The following GSDME variants were observed in gnomAD, a reference collection of about 807,000 sequenced individuals.
GSDME encodes the protein gasdermin E, also known as gasdermin-E.
GSDME carries 44 observed loss-of-function variants against 47.5 expected under a neutral mutation model. The ratio of observed to expected loss-of-function variants is 0.93; its 90% confidence interval spans 0.73 to 1.19. GSDME has a LOEUF of 1.19. Among genes scored for constraint, GSDME ranks in the 50% most tolerant of loss-of-function variants. The pLI is 0.00. For missense variants in GSDME, 663 were observed against 604.2 expected (o/e 1.10, Z -1.02); for synonymous variants, 258 against 252.8 (o/e 1.02, Z -0.20).
At chr7:24,706,508 C>T (rs1163890403) in intron 7 of GSDME, 132 bp from the exon 8 acceptor site, 5 of 833,838 alleles carry the variant, frequency 6.0e-6, no homozygotes, top group Non-Finnish European at 9.3e-6. Context: ...CGCAGCTCTT[C>T]TCTACGTTCT....
In GSDME at chr7:24,732,039, G is replaced by A. The variant is rs80006149; in HGVS notation, c.404+12523C>T. On this transcript the variant is annotated intron_variant, in intron 3 of 9. Transcript: ENST00000645220. The surrounding 1 kb of genome is among the most constrained non-coding windows in gnomAD (Gnocchi z 4.8). The stretch of plus-strand genomic sequence containing the variant: ...CCCATCCCAGACCTTGGGATGCCCC[G>A]GTTTATTGTGACCAGTTACACCTGC... Among the ~76,000 whole-genome samples the A allele has an allele frequency of 3.3e-3, 503 of 152,224 alleles. 10 individuals carry two copies. The highest frequency in any genetic ancestry group is 0.032 in the East Asian group (167 of 5,176).
At chr7:24,710,421 A>ATAC in intron 5 of GSDME, 33 bp from the exon 6 acceptor site, 1 of 1,613,058 alleles carries the variant, frequency 6.2e-7, no homozygotes, top group Non-Finnish European at 8.5e-7. Flanking sequence ...AAGTTAGGTA[A>ATAC]AGTTGAGTCT....
chr7:24,746,651 C>G (rs772217556), intron 2 of GSDME, among the ~76,000 whole-genome samples: 7 of 152,218 alleles, frequency 4.6e-5, no homozygotes, highest in Non-Finnish European at 8.8e-5. Context: ...GTCCCCAAGA[C>G]TTGATCCACA....
chr7:24,762,386 T>C (rs994538188), upstream of GSDME, among the ~76,000 whole-genome samples: 1 of 152,172 alleles, frequency 6.6e-6, no homozygotes, highest in Non-Finnish European at 1.5e-5. Context: ...TGAATACCAG[T>C]AGTCAGCCAC....
At chr7:24,750,007 A>G (rs1388460225) in intron 1 of GSDME, among the ~76,000 whole-genome samples, 1 of 152,218 alleles carries the variant, frequency 6.6e-6, no homozygotes, top group East Asian at 1.9e-4. Flanking sequence ...ATGCTAGGTT[A>G]CGCTTCAGAA....
chr7:24,698,851 G>A lies in GSDME; in HGVS notation c.*175C>T. 2 of 654,038 alleles carry A rather than the reference G, an allele frequency of 3.1e-6. No homozygotes were observed. Among genetic ancestry groups the A allele is most frequent in the Non-Finnish European group, 5.5e-6 (2 of 361,524 alleles). The allele number at this position is 654,038 out of a possible 1,614,324, so 40.5% of individuals were successfully genotyped here. Reference sequence around the variant, plus strand: ...AGGAGGGCCTCTGATAAGGAAAACTGTTTAAAGAGTACCTGGTGGCTAAAA... The same window carrying A: ...AGGAGGGCCTCTGATAAGGAAAACTATTTAAAGAGTACCTGGTGGCTAAAA... On this transcript the variant is annotated 3_prime_UTR_variant, in exon 10 of 10. Coordinates refer to ENST00000645220, the MANE Select transcript of GSDME (RefSeq NM_001127453.2).
Position 24,736,008 on chromosome 7 carries a change from C to A in GSDME, c.404+8554G>T, listed in dbSNP as rs1320799935. On this transcript the variant is annotated intron_variant, in intron 3 of 9. Transcript: ENST00000645220. This position sits in a 1 kb window ranked among gnomAD's most constrained non-coding sequence, Gnocchi z 4.6. ...ATGGTATTTGCAAGCCTCATGGTAA[C>A]CTCAAATAAAAAACTTACAACAGAT... Among the ~76,000 whole-genome samples the A allele has an allele frequency of 6.6e-6, 1 of 151,636 alleles. No homozygotes were observed. The highest frequency in any genetic ancestry group is 1.5e-5 in the Non-Finnish European group (1 of 67,916).
Position 24,736,021 on chromosome 7 carries a change from A to G in GSDME, c.404+8541T>C, listed in dbSNP as rs141844082. On this transcript the variant is annotated intron_variant, in intron 3 of 9. Transcript: ENST00000645220. This position sits in a 1 kb window ranked among gnomAD's most constrained non-coding sequence, Gnocchi z 4.6. Reference sequence around the variant, plus strand: ...GCCTCATGGTAACCTCAAATAAAAAACTTACAACAGATACACAAAAAATAG... The same window carrying G: ...GCCTCATGGTAACCTCAAATAAAAAGCTTACAACAGATACACAAAAAATAG... 6.6e-6 allele frequency among the ~76,000 whole-genome samples: 1 copy of G among 152,074 alleles called. No individual in the cohort carries two copies. Among genetic ancestry groups the G allele is most frequent in the East Asian group, 1.9e-4 (1 of 5,198 alleles).
chr7:24,734,663 C>T (rs1486119755), intron 3 of GSDME, among the ~76,000 whole-genome samples: 1 of 152,244 alleles, frequency 6.6e-6, no homozygotes, highest in Non-Finnish European at 1.5e-5. Flanking sequence ...CTGGAGAACA[C>T]ATCAGAGTCT....
At position 24,745,414 on chromosome 7, in the gene GSDME, C is replaced by T. The variant is rs1790638709; in HGVS notation, c.212-660G>A. On this transcript the variant is annotated intron_variant, in intron 2 of 9. Coordinates refer to ENST00000645220, the MANE Select transcript of GSDME (RefSeq NM_001127453.2). This position sits in a 1 kb window ranked among gnomAD's most constrained non-coding sequence, Gnocchi z 4.4. Reference sequence around the variant, plus strand: ...ATCTCCAGTCAAATTATTCCCTTCCCATATTTATGATTCTCTCTCTGACCT... The same window carrying T: ...ATCTCCAGTCAAATTATTCCCTTCCTATATTTATGATTCTCTCTCTGACCT... Among the ~76,000 whole-genome samples, 1 of 152,142 alleles carries T rather than the reference C, an allele frequency of 6.6e-6. No homozygotes were observed. The highest frequency in any genetic ancestry group is 2.4e-5 in the African/African-American group (1 of 41,416).
chr7:24,794,413 G>A, the GSDME span, among the ~76,000 whole-genome samples: 3 of 152,108 alleles, frequency 2.0e-5, no homozygotes, highest in Non-Finnish European at 1.5e-5. Flanking sequence ...GGCGGGAGTA[G>A]AGCTACTCTT....
intron 2 of GSDME, among the ~76,000 whole-genome samples, chr7:24,747,565 T>C (rs997129425): frequency 2.6e-5 from 4 of 152,236 alleles, no homozygotes; most frequent in South Asian, 2.1e-4. Context: ...AAAGTTTCCA[T>C]CCTCTGCTCC....
chr7:24,715,038 A>C (rs1392073505), intron 5 of GSDME, among the ~76,000 whole-genome samples: 1 of 152,258 alleles, frequency 6.6e-6, no homozygotes, highest in Non-Finnish European at 1.5e-5. Flanking sequence ...ATGAAGAAGA[A>C]GGAAAGTCTC....
intron 3 of GSDME, among the ~76,000 whole-genome samples, chr7:24,723,105 G>T (rs188462931): frequency 6.6e-6 from 1 of 152,312 alleles, no homozygotes; most frequent in East Asian, 1.9e-4. Flanking sequence ...CAAGTCACTG[G>T]GATTCTGTTT....
At chr7:24,748,542 A>C (rs1281740952) in intron 2 of GSDME, among the ~76,000 whole-genome samples, 1 of 152,198 alleles carries the variant, frequency 6.6e-6, no homozygotes, top group Non-Finnish European at 1.5e-5. Context: ...GAATTAACAC[A>C]TGATGGTAGA....
At position 24,712,482 on chromosome 7, in the gene GSDME, CCCAG is replaced by C. The variant is rs928953835; in HGVS notation, c.698-2098_698-2095del. Among the ~76,000 whole-genome samples, 2 of 152,148 alleles carry C rather than the reference CCCAG, an allele frequency of 1.3e-5. No individual in the cohort carries two copies. The highest frequency in any genetic ancestry group is 2.9e-5 in the Non-Finnish European group (2 of 68,028). ...CCTTCATTCTTTTCATCCATCCATC[CCCAG>C]CCAGCCAGCCAGCAAATATGCAACA... On this transcript the variant is annotated intron_variant, in intron 5 of 9. Coordinates refer to ENST00000645220, the MANE Select transcript of GSDME (RefSeq NM_001127453.2). This position sits in a 1 kb window ranked among gnomAD's most constrained non-coding sequence, Gnocchi z 4.4.
Position 24,717,286 on chromosome 7 carries a change from A to G in GSDME, c.665T>C (p.Ile222Thr), listed in dbSNP as rs1272256411. Residue 222 changes from isoleucine to threonine, a missense_variant, in exon 5 of 10, where the codon ATT becomes ACT. Coordinates refer to ENST00000645220, the MANE Select transcript of GSDME (RefSeq NM_001127453.2). ...PAATTIAYGV[I>T]ELYVKLDGQF... ...GCCGTCCAGTTTCACGTATAACTCA[A>G]TGACACCGTAGGCAATGGTGGTGGC... The G allele has an allele frequency of 2.5e-6, 4 of 1,613,180 alleles. No homozygotes were observed. The highest frequency in any genetic ancestry group is 1.7e-5 in the Admixed American group (1 of 59,918).
chr7:24,717,760 C>T (rs1330877259), intron 4 of GSDME, among the ~76,000 whole-genome samples: 1 of 152,170 alleles, frequency 6.6e-6, no homozygotes, highest in African/African-American at 2.4e-5. Flanking sequence ...ACTGGGAGAA[C>T]CTAGCTGAGA....
upstream of GSDME, among the ~76,000 whole-genome samples, chr7:24,759,069 AATGGTCC>A (rs1471435038): frequency 5.3e-5 from 8 of 152,312 alleles, 1 homozygote; most frequent in South Asian, 1.5e-3. Context: ...AGTGGTTCGA[AATGGTCC>A]ATGGTGGTAG....
Sources: allele counts gnomAD v4.1 joint callset (sites outside exome capture counted in the v4.1 genomes callset), GRCh38; gene constraint gnomAD v4.1.1; non-coding constraint Gnocchi (gnomAD v3.1); transcripts MANE v1.5; gene names NCBI Gene and HGNC (gene_info 2026-07-23, HGNC 2026-07-21).